Variants in CDC14A observed in about 807,000 individuals in gnomAD.
The protein encoded by CDC14A is dual specificity protein phosphatase CDC14A.
A neutral mutation model predicts 74.4 loss-of-function variants in CDC14A; 53 were observed. The ratio of observed to expected loss-of-function variants is 0.71; its 90% CI spans 0.57 to 0.89. The LOEUF (loss-of-function observed/expected upper bound fraction) is 0.89. Ranked by LOEUF, CDC14A falls within the 40% of genes least tolerant of loss-of-function variation. CDC14A has a pLI of 0.00. For missense variants in CDC14A, 646 were observed against 713.7 expected, an observed-to-expected ratio of 0.91 and a Z score of 1.08; for synonymous variants, 247 against 258.4, an observed-to-expected ratio of 0.96 and a Z score of 0.43.
intron 15 of CDC14A, among the ~76,000 whole-genome samples, chr1:100,501,936 GGAA>G (rs1347222659): frequency 6.6e-6 from 1 of 152,118 alleles, no homozygotes; most frequent in African/African-American, 2.4e-5. Context: ...AGGATGTAAA[GGAA>G]GAAAATACTT....
At chr1:100,414,787 C>T (rs1661318192) in intron 4 of CDC14A, among the ~76,000 whole-genome samples, 1 of 152,124 alleles carries the variant, frequency 6.6e-6, no homozygotes. Flanking sequence ...CATGTTGTAA[C>T]ATAACAGTAT....
chr1:100,476,673 T>C (rs1279902911), intron 10 of CDC14A, among the ~76,000 whole-genome samples: 1 of 152,064 alleles, frequency 6.6e-6, no homozygotes. Context: ...TAGGGAAAAG[T>C]ACATCTACTT....
intron 7 of CDC14A, chr1:100,443,217 A>G (rs1430478523): frequency 2.1e-5 from 8 of 387,834 alleles, no homozygotes; most frequent in Non-Finnish European, 1.4e-5. Context: ...ATATTCTCTC[A>G]TTTATATACA....
chr1:100,466,636 C>T (rs189909638), intron 9 of CDC14A, among the ~76,000 whole-genome samples: 7 of 152,064 alleles, frequency 4.6e-5, no homozygotes, highest in African/African-American at 9.6e-5. Flanking sequence ...TTTGGGAGGC[C>T]GAGGAGGGCA....
At chr1:100,499,905 G>A (rs1423370695) in intron 15 of CDC14A, among the ~76,000 whole-genome samples, 2 of 152,140 alleles carry the variant, frequency 1.3e-5, no homozygotes, top group Non-Finnish European at 2.9e-5. Flanking sequence ...CAGAGTATCA[G>A]GAAGGTGTTT....
chr1:100,392,271 A>G (rs1657819460), intron 4 of CDC14A, among the ~76,000 whole-genome samples: 1 of 152,210 alleles, frequency 6.6e-6, no homozygotes, highest in African/African-American at 2.4e-5. Flanking sequence ...CTCATTTGAA[A>G]TTGATGATTG....
At chr1:100,405,089 T>C (rs1261699655) in intron 4 of CDC14A, among the ~76,000 whole-genome samples, 2 of 152,202 alleles carry the variant, frequency 1.3e-5, no homozygotes, top group Admixed American at 1.3e-4. Flanking sequence ...TGGGCCTGCT[T>C]TGGGAAATTT....
At chr1:100,413,216 C>T (rs888398330) in intron 4 of CDC14A, among the ~76,000 whole-genome samples, 1 of 152,140 alleles carries the variant, frequency 6.6e-6, no homozygotes, top group African/African-American at 2.4e-5. Context: ...ACTCTTGTTT[C>T]TCCTGCTTTC....
chr1:100,428,386 A>G (rs958152112), intron 5 of CDC14A, among the ~76,000 whole-genome samples: 11 of 152,138 alleles, frequency 7.2e-5, no homozygotes, highest in African/African-American at 2.7e-4. Context: ...ATCAGGGGAA[A>G]GGGGTGTTTT....
At chr1:100,351,758 T>G, upstream of CDC14A, 2 of 1,550,596 alleles carry the variant, frequency 1.3e-6, no homozygotes, top group Non-Finnish European at 1.7e-6. Flanking sequence ...GAGAACCAGA[T>G]GGGAAACTTT....
chr1:100,463,016 C>T (rs1349085425), intron 9 of CDC14A, 135 bp downstream of exon 9: 1 of 650,240 alleles, frequency 1.5e-6, no homozygotes, highest in Non-Finnish European at 2.6e-6. Context: ...AACTGGGACA[C>T]AAACTCATTT....
intron 7 of CDC14A, among the ~76,000 whole-genome samples, chr1:100,448,652 C>T (rs985160001): frequency 6.6e-6 from 1 of 152,216 alleles, no homozygotes; most frequent in African/African-American, 2.4e-5. Flanking sequence ...GTCACACTGG[C>T]TAGGAAGCTT....
intron 4 of CDC14A, among the ~76,000 whole-genome samples, chr1:100,407,241 G>A (rs1660071282): frequency 6.6e-6 from 1 of 151,984 alleles, no homozygotes; most frequent in South Asian, 2.1e-4. Context: ...TATAAAGAAT[G>A]TCAGTGGCAG....
intron 2 of CDC14A, among the ~76,000 whole-genome samples, chr1:100,366,239 T>C (rs1653581804): frequency 6.6e-6 from 1 of 152,246 alleles, no homozygotes; most frequent in Non-Finnish European, 1.5e-5. Flanking sequence ...TAATTTTTTT[T>C]GTATTGCAAG....
chr1:100,487,874 A>AT (rs1395875264), intron 11 of CDC14A, among the ~76,000 whole-genome samples: 2 of 152,098 alleles, frequency 1.3e-5, no homozygotes, highest in Non-Finnish European at 2.9e-5. Context: ...CACAGTCCTC[A>AT]TGCCTCCTTC....
At chr1:100,458,080 G>T (rs1266735036) in intron 8 of CDC14A, among the ~76,000 whole-genome samples, 2 of 152,150 alleles carry the variant, frequency 1.3e-5, no homozygotes, top group South Asian at 4.1e-4. Flanking sequence ...TGCCAGGAAG[G>T]GTGCTAAGCC....
chr1:100,399,424 G>T (rs1458867852), intron 4 of CDC14A, among the ~76,000 whole-genome samples: 1 of 152,004 alleles, frequency 6.6e-6, no homozygotes, highest in Non-Finnish European at 1.5e-5. Context: ...AAGACTCTTG[G>T]AGCATATTGC....
In CDC14A at chr1:100,473,724, C is replaced by A. The variant is rs142884203; in HGVS notation, c.977+5630C>A. Among the ~76,000 whole-genome samples, 451 of 152,156 alleles carry A rather than the reference C, an allele frequency of 3.0e-3. 1 individual carries two copies. The highest frequency in any genetic ancestry group is 4.9e-3 in the Non-Finnish European group (336 of 67,964). On this transcript the variant is annotated intron_variant, in intron 10 of 15. Coordinates refer to ENST00000336454, the MANE Select transcript of CDC14A (RefSeq NM_003672.4). ...TTCTGTTTATTTTGTATCCCGAAAC[C>A]TAGGAGTTTTATATGGGAGTGTGTG...
intron 3 of CDC14A, among the ~76,000 whole-genome samples, chr1:100,388,776 C>T (rs1484429031): frequency 6.6e-6 from 1 of 152,226 alleles, no homozygotes. Context: ...GTCTCAAATT[C>T]CCAGCCCTAA....
Sources: allele counts gnomAD v4.1 joint callset (sites outside exome capture counted in the v4.1 genomes callset), GRCh38; gene constraint gnomAD v4.1.1; transcripts MANE v1.5; gene names NCBI Gene and HGNC (gene_info 2026-07-23, HGNC 2026-07-21).